Variants in DMD observed in about 807,000 individuals in gnomAD.
The protein encoded by DMD is dystrophin.
Under a neutral mutation model 330.1 loss-of-function variants are expected in DMD, and 63 were observed. The ratio of observed to expected loss-of-function variants is 0.19; its 90% CI spans 0.16 to 0.24. The LOEUF (loss-of-function observed/expected upper bound fraction) is 0.24, where lower values mean the gene tolerates loss of function less well. DMD is among the 10% of genes least tolerant of loss of function. The pLI is 1.00. For missense variants in DMD, 3,344 were observed against 2,684.1 expected, an observed-to-expected ratio of 1.25 and a Z score of -5.43; for synonymous variants, 1,223 against 959.8, an observed-to-expected ratio of 1.27 and a Z score of -5.07.
intron 67 of DMD, among the ~76,000 whole-genome samples, chrX:31,193,337 G>C (rs1017780628): frequency 8.9e-6 from 1 of 112,190 alleles, no homozygotes; most frequent in African/African-American, 3.2e-5. Context: ...ACAATTCCAA[G>C]ACAAAAATAG....
At chrX:32,772,219 T>G (rs2073686236) in intron 7 of DMD, among the ~76,000 whole-genome samples, 1 of 112,724 alleles carries the variant, frequency 8.9e-6, no homozygotes. Context: ...AATGCCGTTA[T>G]TAATTCATGA....
chrX:32,332,413 A>AGTGTGTGTGTGTGTGTGTGTGTGT (rs111973319), intron 41 of DMD, among the ~76,000 whole-genome samples: 1 of 95,342 alleles, frequency 1.0e-5, no homozygotes, highest in Non-Finnish European at 2.1e-5. Flanking sequence ...ATGGATAAAA[A>AGTGTGTGTGTGTGTGTGTGTGTGT]GTGTGTGTGT....
rs1161173879 is a variant in DMD, at chrX:33,170,754, G to A, written c.31+40528C>T. On this transcript the variant is annotated intron_variant, in intron 1 of 78. Transcript: ENST00000357033. ...TTCCAATGGCCATAGATGGCAAGTG[G>A]CTACCATACTGAACTTCACAGAAGT... Among the ~76,000 whole-genome samples, 3 of 111,548 alleles carry A rather than the reference G, an allele frequency of 2.7e-5. No individual in the cohort carries two copies. In the Admixed American group the frequency reaches 2.9e-4, roughly 11 times the overall value.
chrX:32,872,260 T>A (rs993494633), intron 2 of DMD, among the ~76,000 whole-genome samples: 1 of 111,808 alleles, frequency 8.9e-6, no homozygotes, highest in African/African-American at 3.3e-5. Flanking sequence ...ACCTCACAGC[T>A]TTTTGACCTG....
intron 60 of DMD, among the ~76,000 whole-genome samples, chrX:31,355,456 A>G (rs900746799): frequency 8.9e-6 from 1 of 112,463 alleles, no homozygotes; most frequent in African/African-American, 3.2e-5. Flanking sequence ...TAGACCCTAG[A>G]TAAATATCCA....
At chrX:31,981,703 C>G (rs2095477149) in intron 44 of DMD, among the ~76,000 whole-genome samples, 1 of 111,175 alleles carries the variant, frequency 9.0e-6, no homozygotes, top group Non-Finnish European at 1.9e-5. Context: ...TCTGCTCTGT[C>G]AAGGAGAATG....
At chrX:32,423,363 T>C (rs753446102) in intron 29 of DMD, among the ~76,000 whole-genome samples, 21 of 109,775 alleles carry the variant, frequency 1.9e-4, no homozygotes, top group Non-Finnish European at 4.0e-4. Flanking sequence ...CACAAAGATA[T>C]TAATGCCCTC....
chrX:32,478,281 G>A lies in DMD; in HGVS notation c.2804-5972C>T, dbSNP rs190102883. On this transcript the variant is annotated intron_variant, in intron 21 of 78. Transcript: ENST00000357033. ...AAAAAATGCACTGCACATGTGTGAA[G>A]AAGCTGAACTAATGACATATACCTA... Among the ~76,000 whole-genome samples the A allele has an allele frequency of 2.7e-5, 3 of 111,735 alleles. No individual in the cohort carries two copies. The East Asian group carries it at 8.5e-4, about 32-fold the overall frequency.
chrX:31,718,461 G>C (rs2085230976), intron 52 of DMD, among the ~76,000 whole-genome samples: 1 of 110,822 alleles, frequency 9.0e-6, no homozygotes, highest in African/African-American at 3.3e-5. Flanking sequence ...CCCCCCGCCG[G>C]CTAAAATTTG....
At chrX:32,199,019 ATAAAG>A (rs774150016) in intron 44 of DMD, among the ~76,000 whole-genome samples, 2 of 112,493 alleles carry the variant, frequency 1.8e-5, no homozygotes, top group African/African-American at 6.5e-5. Flanking sequence ...CAATAAGGAA[ATAAAG>A]TAAACTTTAG....
At chrX:32,010,794 T>G (rs1474073788) in intron 44 of DMD, among the ~76,000 whole-genome samples, 4 of 112,088 alleles carry the variant, frequency 3.6e-5, no homozygotes, top group Admixed American at 2.8e-4. Flanking sequence ...TGATAATAAT[T>G]GCTTGTTTAC....
At chrX:32,673,904 G>GA (rs1473059240) in intron 9 of DMD, among the ~76,000 whole-genome samples, 2 of 111,644 alleles carry the variant, frequency 1.8e-5, no homozygotes, top group Non-Finnish European at 3.8e-5. Context: ...AACAAATACT[G>GA]AAAGCCTATA....
intron 52 of DMD, among the ~76,000 whole-genome samples, chrX:31,728,460 T>C (rs2086250797): frequency 8.9e-6 from 1 of 112,355 alleles, no homozygotes; most frequent in South Asian, 3.6e-4. Flanking sequence ...CACCATCTAA[T>C]GCTTATGAGG....
chrX:31,549,382 G>A (rs1421912620), intron 55 of DMD, among the ~76,000 whole-genome samples: 15 of 110,970 alleles, frequency 1.4e-4, no homozygotes, highest in Non-Finnish European at 2.6e-4. Flanking sequence ...TCTATGCAAA[G>A]TTATTTTTGC....
At chrX:31,850,740 CAT>C (rs1281144452) in intron 48 of DMD, among the ~76,000 whole-genome samples, 1 of 112,658 alleles carries the variant, frequency 8.9e-6, no homozygotes, top group Admixed American at 9.4e-5. Flanking sequence ...TCTGCAGACA[CAT>C]GAGTGAGTAA....
At chrX:32,731,913 G>A (rs770765707) in intron 7 of DMD, among the ~76,000 whole-genome samples, 5 of 112,359 alleles carry the variant, frequency 4.5e-5, no homozygotes, top group East Asian at 5.6e-4. Context: ...CTGGAGAGAG[G>A]ATGACTTTGA....
At chrX:31,985,786 C>T (rs1194832217) in intron 44 of DMD, among the ~76,000 whole-genome samples, 4 of 111,947 alleles carry the variant, frequency 3.6e-5, no homozygotes, top group Non-Finnish European at 1.9e-5. Flanking sequence ...TCACGGGATG[C>T]TTTCACAGAG....
At chrX:32,858,705 T>C (rs948253601) in intron 2 of DMD, among the ~76,000 whole-genome samples, 1 of 111,504 alleles carries the variant, frequency 9.0e-6, no homozygotes, top group African/African-American at 3.3e-5. Flanking sequence ...GTGGTTTTTT[T>C]TTTAGTGAAA....
intron 9 of DMD, among the ~76,000 whole-genome samples, chrX:32,685,810 T>G (rs1012435202): frequency 9.0e-6 from 1 of 111,671 alleles, no homozygotes; most frequent in Non-Finnish European, 1.9e-5. Flanking sequence ...CAAAGATAGT[T>G]TATTTCCCCA....
Sources: allele counts gnomAD v4.1 joint callset (sites outside exome capture counted in the v4.1 genomes callset), GRCh38; gene constraint gnomAD v4.1.1; transcripts MANE v1.5; gene names NCBI Gene and HGNC (gene_info 2026-07-23, HGNC 2026-07-21).